HDAC9: variants seen among roughly 807,000 people sequenced by gnomAD.
HDAC9 encodes the protein MEF-2 interacting transcription repressor (MITR) protein.
Under a neutral mutation model 139.4 loss-of-function variants are expected in HDAC9, and 41 were observed. The ratio of observed to expected loss-of-function variants is 0.29; its 90% confidence interval spans 0.23 to 0.38. The LOEUF is 0.38. HDAC9 is among the 10% of genes least tolerant of loss of function. The pLI, the probability that HDAC9 is intolerant of heterozygous loss-of-function variation, is 1.00. For missense variants in HDAC9, 1,147 were observed against 1,297.0 expected, an observed-to-expected ratio of 0.88 and a Z score of 1.78; for synonymous variants, 517 against 476.2, an observed-to-expected ratio of 1.09 and a Z score of -1.12.
intron 23 of HDAC9, among the ~76,000 whole-genome samples, chr7:18,951,958 C>T (rs1435096946): frequency 6.6e-6 from 1 of 151,582 alleles, no homozygotes; most frequent in Non-Finnish European, 1.5e-5. Flanking sequence ...TGCCTTCTTG[C>T]CAACGGAGAG....
intron 12 of HDAC9, among the ~76,000 whole-genome samples, chr7:18,722,198 C>CA (rs1785196759): frequency 6.6e-6 from 1 of 152,092 alleles, no homozygotes; most frequent in African/African-American, 2.4e-5. Flanking sequence ...CCCATCAAAA[C>CA]AAAGTCCCCA....
At chr7:18,563,750 T>A (rs867665405) in intron 2 of HDAC9, among the ~76,000 whole-genome samples, 4 of 152,004 alleles carry the variant, frequency 2.6e-5, no homozygotes, top group Non-Finnish European at 1.5e-5. Context: ...TTAGATTATT[T>A]TTTTTTATTA....
intron 1 of HDAC9, among the ~76,000 whole-genome samples, chr7:18,411,841 T>TA (rs1554407528): frequency 7.4e-5 from 10 of 135,518 alleles, no homozygotes; most frequent in African/African-American, 1.8e-4. Flanking sequence ...TTTTTTTTTT[T>TA]ATCAGACAGG....
intron 2 of HDAC9, among the ~76,000 whole-genome samples, chr7:18,195,185 T>TTGTGTATC (rs1279252338): frequency 6.6e-6 from 1 of 152,164 alleles, no homozygotes; most frequent in African/African-American, 2.4e-5. Flanking sequence ...ATAGACCTCT[T>TTGTGTATC]TGTGTATCTG....
upstream of HDAC9, among the ~76,000 whole-genome samples, chr7:18,286,233 T>C (rs1797442912): frequency 1.3e-5 from 2 of 152,082 alleles, no homozygotes; most frequent in African/African-American, 2.4e-5. Context: ...TGCATGACCA[T>C]GCTTCCTAAG....
chr7:18,960,145 A>T (rs1783432790), intron 24 of HDAC9, among the ~76,000 whole-genome samples: 1 of 152,082 alleles, frequency 6.6e-6, no homozygotes, highest in Admixed American at 6.6e-5. Flanking sequence ...GTTGCAGGGG[A>T]ATGTTACAAG....
intron 1 of HDAC9, among the ~76,000 whole-genome samples, chr7:18,352,982 T>C (rs1394628577): frequency 6.6e-6 from 1 of 152,156 alleles, no homozygotes; most frequent in African/African-American, 2.4e-5. Context: ...TTTTGAGAAA[T>C]GCTTTACTTT....
intron 1 of HDAC9, among the ~76,000 whole-genome samples, chr7:18,089,255 T>A (rs1443009155): frequency 6.6e-6 from 1 of 152,210 alleles, no homozygotes; most frequent in African/African-American, 2.4e-5. Flanking sequence ...TTTCTGCAGT[T>A]CAGCCTGTTG....
At chr7:18,249,205 A>G (rs1794753625) in intron 2 of HDAC9, among the ~76,000 whole-genome samples, 1 of 152,172 alleles carries the variant, frequency 6.6e-6, no homozygotes, top group African/African-American at 2.4e-5. Flanking sequence ...TAATATTTTC[A>G]TAAAATCTTT....
At chr7:18,621,090 C>T (rs541631537) in intron 6 of HDAC9, among the ~76,000 whole-genome samples, 2 of 152,066 alleles carry the variant, frequency 1.3e-5, no homozygotes, top group African/African-American at 4.8e-5. Context: ...AGTATATCCT[C>T]ATAATGTATT....
At chr7:18,741,951 T>C (rs1787501005) in intron 13 of HDAC9, among the ~76,000 whole-genome samples, 2 of 152,182 alleles carry the variant, frequency 1.3e-5, no homozygotes, top group African/African-American at 2.4e-5. Flanking sequence ...ATTGCTCCAA[T>C]CTCATTATAA....
chr7:18,698,190 T>C (rs1481298799), intron 12 of HDAC9, among the ~76,000 whole-genome samples: 1 of 152,190 alleles, frequency 6.6e-6, no homozygotes, highest in Non-Finnish European at 1.5e-5. Context: ...CTGCTACTTT[T>C]CTCCCCCTAC....
intron 6 of HDAC9, among the ~76,000 whole-genome samples, chr7:18,614,763 A>G (rs1236292829): frequency 6.6e-6 from 1 of 152,202 alleles, no homozygotes; most frequent in African/African-American, 2.4e-5. Flanking sequence ...GGTTAGAAAA[A>G]TAGTGTTCTT....
intron 2 of HDAC9, among the ~76,000 whole-genome samples, chr7:18,174,555 T>C (rs1788725454): frequency 6.6e-6 from 1 of 152,236 alleles, no homozygotes; most frequent in South Asian, 2.1e-4. Context: ...ATTTTCAACT[T>C]TTCTGCTCTG....
intron 2 of HDAC9, among the ~76,000 whole-genome samples, chr7:18,192,142 G>A (rs1450954803): frequency 6.6e-6 from 1 of 152,180 alleles, no homozygotes; most frequent in Non-Finnish European, 1.5e-5. Context: ...TGTCACAGTA[G>A]AAGGTGGTGG....
At chr7:18,455,687 T>C (rs1034397984) in intron 1 of HDAC9, among the ~76,000 whole-genome samples, 6 of 152,184 alleles carry the variant, frequency 3.9e-5, no homozygotes. Flanking sequence ...AACCATCTAA[T>C]TACACCAATA....
At chr7:18,162,513 C>G (rs1787702421) in intron 2 of HDAC9, 2 of 631,308 alleles carry the variant, frequency 3.2e-6, no homozygotes, top group South Asian at 2.0e-5. Flanking sequence ...AGCTAATTCT[C>G]TATTGCTTAA....
At chr7:18,520,270 C>A (rs550176363) in intron 2 of HDAC9, among the ~76,000 whole-genome samples, 1 of 152,082 alleles carries the variant, frequency 6.6e-6, no homozygotes, top group Admixed American at 6.6e-5. Flanking sequence ...ATTCTGAAGA[C>A]CACCTCTTGC....
chr7:18,888,150 G>A (rs1425350101), intron 22 of HDAC9, among the ~76,000 whole-genome samples: 2 of 152,146 alleles, frequency 1.3e-5, no homozygotes, highest in East Asian at 1.9e-4. Context: ...GGCCGGGTGC[G>A]GTGGCTCCCG....
Sources: gnomAD v4.1 joint callset for allele counts (sites outside exome capture counted in the v4.1 genomes callset) on GRCh38, gnomAD v4.1.1 for gene constraint, MANE v1.5 for transcripts, NCBI Gene and HGNC (gene_info 2026-07-23, HGNC 2026-07-21) for gene names.